The following TEKT3 variants were observed in gnomAD, a reference collection of about 807,000 sequenced individuals.
TEKT3 encodes tektin 3.
A neutral mutation model predicts 49.8 loss-of-function variants in TEKT3; 49 were observed. The ratio of observed to expected loss-of-function variants is 0.98; its 90% CI spans 0.78 to 1.25. The LOEUF (loss-of-function observed/expected upper bound fraction) is 1.25, where lower values mean the gene tolerates loss of function less well. TEKT3 is among the 50% of genes most tolerant of loss of function. The probability of loss-of-function intolerance (pLI) is 0.00; values close to 1 mark genes in which losing one functional copy is unlikely to be tolerated. For missense variants in TEKT3, 595 were observed against 629.5 expected, an observed-to-expected ratio of 0.95 and a Z score of 0.59; for synonymous variants, 225 against 237.2, an observed-to-expected ratio of 0.95 and a Z score of 0.47.
chr17:15,329,829 A>G (rs924898999), intron 3 of TEKT3, among the ~76,000 whole-genome samples: 1 of 152,220 alleles, frequency 6.6e-6, no homozygotes, highest in African/African-American at 2.4e-5. Flanking sequence ...TGCTCATCAC[A>G]TGGGAATAAG....
intron 6 of TEKT3, 110 bp downstream of exon 6, chr17:15,313,977 C>T: frequency 6.7e-7 from 1 of 1,498,682 alleles, no homozygotes; most frequent in African/African-American, 1.4e-5. Context: ...TGTTTCTCAC[C>T]TTCAGATATC....
In TEKT3 at chr17:15,312,355, C is replaced by A; in HGVS notation, c.1005G>T (p.Glu335Asp). The part of the protein sequence containing the change: ...IENLLVVTAN[E>D]MWNQFNKVNL... ...TCACTTTGTTGAATTGATTCCACAT[C>A]TCATTGGCAGTCACAACCAAGAGGT... Residue 335 changes from glutamate to aspartate, a missense_variant, in exon 7 of 9, where the codon GAG (glutamate) becomes GAT (aspartate). Glu to Asp is a conservative substitution (Grantham distance 45, BLOSUM62 2). Coordinates refer to ENST00000395930, the MANE Select transcript of TEKT3 (RefSeq NM_031898.3). 6.2e-7 allele frequency: 1 copy of A among 1,614,218 alleles called. No individual in the cohort carries two copies. The highest frequency in any genetic ancestry group is 8.5e-7 in the Non-Finnish European group (1 of 1,180,034).
intron 7 of TEKT3, among the ~76,000 whole-genome samples, chr17:15,310,325 A>G (rs1910716945): frequency 6.6e-6 from 1 of 152,166 alleles, no homozygotes; most frequent in African/African-American, 2.4e-5. Flanking sequence ...GTTAGGGCTG[A>G]ATAGTGCCTC....
At chr17:15,317,520 GCTCGAGAGAAT>G (rs1344720689) in intron 5 of TEKT3, among the ~76,000 whole-genome samples, 1 of 152,140 alleles carries the variant, frequency 6.6e-6, no homozygotes, top group Non-Finnish European at 1.5e-5. Flanking sequence ...TCCAGTCACA[GCTCGAGAGAAT>G]CTCAGCGTAC....
intron 2 of TEKT3, among the ~76,000 whole-genome samples, chr17:15,333,823 G>A (rs1484279467): frequency 6.6e-6 from 1 of 151,796 alleles, no homozygotes; most frequent in Non-Finnish European, 1.5e-5. Context: ...GCAGTGGCAT[G>A]ATCTCGGCTC....
At chr17:15,324,819 T>C (rs956527171) in intron 4 of TEKT3, among the ~76,000 whole-genome samples, 1 of 152,238 alleles carries the variant, frequency 6.6e-6, no homozygotes, top group Non-Finnish European at 1.5e-5. Context: ...TTTGTGCTTT[T>C]GATATCACAT....
At chr17:15,314,994 A>G (rs2531950) in intron 5 of TEKT3, among the ~76,000 whole-genome samples, 124,677 of 152,096 alleles carry the variant, frequency 0.82, 51,432 homozygotes, top group African/African-American at 0.93. Flanking sequence ...GCAGGCATAG[A>G]TGACAGGTGA....
At chr17:15,342,201 C>A (rs1199109939), upstream of TEKT3, among the ~76,000 whole-genome samples, 1 of 152,168 alleles carries the variant, frequency 6.6e-6, no homozygotes, top group East Asian at 1.9e-4. Flanking sequence ...ATTGCTCATC[C>A]ATGCAACCTC....
intron 2 of TEKT3, among the ~76,000 whole-genome samples, chr17:15,334,469 A>T (rs1911905121): frequency 6.6e-6 from 1 of 152,210 alleles, no homozygotes; most frequent in South Asian, 2.1e-4. Flanking sequence ...TTATATAGGC[A>T]TCTTGAGACG....
At chr17:15,330,827 T>A (rs915612291) in intron 3 of TEKT3, among the ~76,000 whole-genome samples, 180 bp downstream of exon 3, 1 of 151,974 alleles carries the variant, frequency 6.6e-6, no homozygotes, top group Admixed American at 6.6e-5. Context: ...AAGTATATAA[T>A]GCATTTAAAA....
rs776772968 is a variant in TEKT3, at chr17:15,314,251, G to A, written c.735-21C>T. 20 of 1,613,728 alleles carry A rather than the reference G, an allele frequency of 1.2e-5. No homozygotes were observed. The Admixed American group carries it at 2.3e-4, about 19-fold the overall frequency. The stretch of plus-strand genomic sequence containing the variant: ...TGGCTCTGCAATACAGAGTCGGGAA[G>A]TGGAGCTTCACACTCAGGTGACAAT... On this transcript the variant is annotated intron_variant, in intron 5 of 8. Transcript: ENST00000395930.
At chr17:15,336,501 A>C (rs997817583) in intron 2 of TEKT3, among the ~76,000 whole-genome samples, 1 of 152,144 alleles carries the variant, frequency 6.6e-6, no homozygotes, top group African/African-American at 2.4e-5. Flanking sequence ...TACCAGATGG[A>C]AACTTGGATC....
chr17:15,319,238 T>G, intron 4 of TEKT3, 91 bp from the exon 5 acceptor site: 1 of 1,142,458 alleles, frequency 8.8e-7, no homozygotes, highest in Non-Finnish European at 1.2e-6. Flanking sequence ...TGAAGGAAAA[T>G]TTTGTTTCTT....
At chr17:15,337,699 G>A (rs375593654) in intron 2 of TEKT3, among the ~76,000 whole-genome samples, 75 of 152,154 alleles carry the variant, frequency 4.9e-4, no homozygotes, top group East Asian at 1.2e-3. Flanking sequence ...AAAATTAGCC[G>A]GGCATGGTGG....
chr17:15,328,037 C>T lies in TEKT3; in HGVS notation c.618G>A (p.Met206Ile). The change falls in exon 4 of 9, where the codon ATG becomes ATA. Residue 206 changes from methionine (M) to isoleucine (I), a missense_variant. By Grantham distance (10) the Met-to-Ile change is conservative (BLOSUM62 1). Coordinates refer to ENST00000395930, the MANE Select transcript of TEKT3 (RefSeq NM_031898.3). ...RECLFHREKR[M>I]GIDLVHDEVE... ...CTTCATCGTGAACTAGGTCGATTCC[C>T]ATTCTCTTTTCTCGATGAAATAGAC... 6.2e-7 allele frequency: 1 copy of T among 1,614,092 alleles called. No homozygotes were observed.
At chr17:15,306,089 A>ATATATATATATGTGTG (rs1291765039) in intron 8 of TEKT3, among the ~76,000 whole-genome samples, 94 of 144,402 alleles carry the variant, frequency 6.5e-4, no homozygotes, top group African/African-American at 2.3e-3. Context: ...ATTTATATAT[A>ATATATATATATGTGTG]TGTGTGTGTG....
At chr17:15,316,279 C>T (rs1287757759) in intron 5 of TEKT3, among the ~76,000 whole-genome samples, 1 of 152,166 alleles carries the variant, frequency 6.6e-6, no homozygotes, top group African/African-American at 2.4e-5. Flanking sequence ...GTTCATGAAG[C>T]ATCTATTGTT....
At chr17:15,312,215 C>G in intron 7 of TEKT3, 44 bp downstream of exon 7, 1 of 1,587,904 alleles carries the variant, frequency 6.3e-7, no homozygotes. Flanking sequence ...GAGCACACCG[C>G]TCTGTCCAGG....
At chr17:15,315,893 GAGCAA>G (rs1192663819) in intron 5 of TEKT3, among the ~76,000 whole-genome samples, 1 of 152,218 alleles carries the variant, frequency 6.6e-6, no homozygotes, top group East Asian at 1.9e-4. Context: ...GGTTTTGGTA[GAGCAA>G]AGCCGTTCAC....
Sources: allele counts gnomAD v4.1 joint callset (sites outside exome capture counted in the v4.1 genomes callset), GRCh38; gene constraint gnomAD v4.1.1; transcripts MANE v1.5; gene names NCBI Gene and HGNC (gene_info 2026-07-23, HGNC 2026-07-21).